Variants in AGPS observed in about 807,000 individuals in gnomAD.
The protein encoded by AGPS is alkylglycerone phosphate synthase.
A neutral mutation model predicts 90.7 loss-of-function variants in AGPS; 26 were observed. That is an observed-to-expected ratio of 0.29 (90% CI 0.21 to 0.40). The LOEUF (loss-of-function observed/expected upper bound fraction) is 0.40, where lower values mean the gene tolerates loss of function less well. Among genes scored for constraint, AGPS ranks in the 10% least tolerant of loss-of-function variants. The probability of loss-of-function intolerance (pLI) is 1.00; values close to 1 mark genes in which losing one functional copy is unlikely to be tolerated. For synonymous variants in AGPS, 294 were observed against 285.3 expected, an observed-to-expected ratio of 1.03 and a Z score of -0.31; for missense variants, 540 against 816.1, an observed-to-expected ratio of 0.66 and a Z score of 4.12.
chr2:177,396,197 C>T (rs1273010793), intron 1 of AGPS, among the ~76,000 whole-genome samples: 1 of 152,014 alleles, frequency 6.6e-6, no homozygotes, highest in African/African-American at 2.4e-5. Flanking sequence ...AAGCAAGGGG[C>T]CATGAAAGTG....
At chr2:177,501,706 C>G (rs527817945) in intron 14 of AGPS, among the ~76,000 whole-genome samples, 3 of 152,096 alleles carry the variant, frequency 2.0e-5, no homozygotes, top group Non-Finnish European at 4.4e-5. Flanking sequence ...CTTGCTCTGT[C>G]ACCCAGGCTG....
intron 6 of AGPS, among the ~76,000 whole-genome samples, chr2:177,441,722 A>C (rs1045655736): frequency 2.6e-5 from 4 of 152,190 alleles, no homozygotes; most frequent in Admixed American, 1.3e-4. Context: ...AATTTATTCG[A>C]TATATGGTGA....
intron 14 of AGPS, among the ~76,000 whole-genome samples, chr2:177,502,755 A>T (rs1688598390): frequency 6.6e-6 from 1 of 152,070 alleles, no homozygotes; most frequent in African/African-American, 2.4e-5. Context: ...AATACTTGGA[A>T]ATATCTTCTT....
intron 8 of AGPS, among the ~76,000 whole-genome samples, chr2:177,460,249 G>A (rs1172449474): frequency 6.6e-6 from 1 of 152,080 alleles, no homozygotes; most frequent in Non-Finnish European, 1.5e-5. Context: ...AACCACCATG[G>A]CATGTGTATA....
intron 16 of AGPS, among the ~76,000 whole-genome samples, chr2:177,508,326 G>C (rs1341947024): frequency 6.6e-6 from 1 of 152,136 alleles, no homozygotes; most frequent in African/African-American, 2.4e-5. Context: ...GTTATACTTC[G>C]CTTTGACTTA....
intron 10 of AGPS, among the ~76,000 whole-genome samples, chr2:177,473,611 A>C (rs562456559): frequency 6.6e-6 from 1 of 152,366 alleles, no homozygotes; most frequent in South Asian, 2.1e-4. Flanking sequence ...TAATTTAAGT[A>C]GTTTTATATC....
intron 10 of AGPS, among the ~76,000 whole-genome samples, chr2:177,473,939 A>T (rs138217840): frequency 3.5e-4 from 54 of 152,352 alleles, no homozygotes; most frequent in Non-Finnish European, 6.0e-4. Flanking sequence ...ATTTATGGTG[A>T]GTTTCACTAC....
In AGPS at chr2:177,501,522, T is replaced by G. The variant is rs559325073; in HGVS notation, c.1475+1792T>G. 7.9e-4 allele frequency among the ~76,000 whole-genome samples: 121 copies of G among 152,346 alleles called. 1 individual carries two copies. Among genetic ancestry groups the G allele is most frequent in the African/African-American group, 2.9e-3 (120 of 41,584 alleles). On this transcript the variant is annotated intron_variant, in intron 14 of 19. Coordinates refer to ENST00000264167, the MANE Select transcript of AGPS (RefSeq NM_003659.4). ...CTTGATTTAATAATTGTTGAATGAA[T>G]GAATGAAAGTGAATACTATATTTTC...
At chr2:177,536,612 G>A (rs529649602) in intron 19 of AGPS, among the ~76,000 whole-genome samples, 23 of 152,136 alleles carry the variant, frequency 1.5e-4, no homozygotes, top group African/African-American at 5.3e-4. Context: ...TCTTTTAGGT[G>A]GTAGAGATTG....
In AGPS at chr2:177,413,771, G is replaced by A. The variant is rs571089725; in HGVS notation, c.261-6498G>A. ...TTCTTTCCAGGCTTCCAGAATGGCA[G>A]GTACCAAGCTTGTGTGAGTGGATAT... On this transcript the variant is annotated intron_variant, in intron 1 of 19. Transcript: ENST00000264167. Among the ~76,000 whole-genome samples the A allele has an allele frequency of 3.3e-5, 5 of 152,304 alleles. No homozygotes were observed. The South Asian group carries it at 8.3e-4, about 25-fold the overall frequency.
intron 10 of AGPS, among the ~76,000 whole-genome samples, chr2:177,476,580 G>A (rs1396545169): frequency 1.3e-5 from 2 of 151,832 alleles, no homozygotes; most frequent in African/African-American, 2.4e-5. Context: ...TTATGACCTC[G>A]CTAGCATGTA....
intron 3 of AGPS, 88 bp from the exon 4 acceptor site, chr2:177,436,676 G>T: frequency 2.3e-6 from 3 of 1,318,692 alleles, no homozygotes; most frequent in Non-Finnish European, 3.2e-6. Flanking sequence ...TTAAAAAAAA[G>T]TCTACATTTT....
chr2:177,511,614 A>G (rs1031928705), intron 16 of AGPS, among the ~76,000 whole-genome samples: 3 of 152,208 alleles, frequency 2.0e-5, no homozygotes, highest in African/African-American at 4.8e-5. Context: ...AATGATGTAA[A>G]AAAAGCCCAG....
intron 10 of AGPS, among the ~76,000 whole-genome samples, chr2:177,471,176 G>A (rs887108415): frequency 5.3e-5 from 8 of 152,088 alleles, no homozygotes; most frequent in Non-Finnish European, 8.8e-5. Context: ...ATATTCTTAC[G>A]TAAAATGTAT....
At chr2:177,503,111 G>A (rs1436166829) in intron 14 of AGPS, among the ~76,000 whole-genome samples, 5 of 151,718 alleles carry the variant, frequency 3.3e-5, no homozygotes, top group Non-Finnish European at 5.9e-5. Context: ...TTTATGTGTT[G>A]TCTTAGCCAT....
chr2:177,408,125 G>A (rs1685515804), intron 1 of AGPS, among the ~76,000 whole-genome samples: 1 of 152,172 alleles, frequency 6.6e-6, no homozygotes, highest in Non-Finnish European at 1.5e-5. Context: ...CATTAGGAAG[G>A]AAGGTAAGAA....
At chr2:177,407,141 C>A (rs1226738844) in intron 1 of AGPS, among the ~76,000 whole-genome samples, 4 of 152,024 alleles carry the variant, frequency 2.6e-5, no homozygotes, top group African/African-American at 9.7e-5. Flanking sequence ...CCATTTTTTT[C>A]ATGTTTTAAA....
chr2:177,463,264 G>A (rs75533696), intron 9 of AGPS, among the ~76,000 whole-genome samples: 54 of 152,220 alleles, frequency 3.5e-4, no homozygotes, highest in African/African-American at 1.2e-3. Flanking sequence ...ATTGGTTTAC[G>A]TTTCTAAACT....
chr2:177,447,364 GT>G (rs1389987528), intron 8 of AGPS, among the ~76,000 whole-genome samples: 26 of 151,842 alleles, frequency 1.7e-4, no homozygotes, highest in Non-Finnish European at 3.4e-4. Flanking sequence ...ATAAATTAAG[GT>G]TTTATATCAG....
Sources: gnomAD v4.1 joint callset for allele counts (sites outside exome capture counted in the v4.1 genomes callset) on GRCh38, gnomAD v4.1.1 for gene constraint, MANE v1.5 for transcripts, NCBI Gene and HGNC (gene_info 2026-07-23, HGNC 2026-07-21) for gene names.